GPAT3: variants seen among roughly 807,000 people sequenced by gnomAD.
The protein encoded by GPAT3 is glycerol-3-phosphate acyltransferase 3.
GPAT3 carries 53 observed loss-of-function variants against 58.8 expected under a neutral mutation model. The observed-to-expected ratio is 0.90, with a 90% CI of 0.72 to 1.13. The LOEUF (loss-of-function observed/expected upper bound fraction) is 1.13. GPAT3 is among the 50% of genes most tolerant of loss of function. The pLI, the probability that GPAT3 is intolerant of heterozygous loss-of-function variation, is 0.00. For missense variants in GPAT3, 511 were observed against 527.6 expected (o/e 0.97, Z 0.31); for synonymous variants, 197 against 187.4 (o/e 1.05, Z -0.42).
At chr4:83,536,036 C>G, upstream of GPAT3, 8 of 985,278 alleles carry the variant, frequency 8.1e-6, no homozygotes, top group Non-Finnish European at 9.6e-6. Flanking sequence ...AGGGAGCTCC[C>G]CCGTTGGGTG....
At chr4:83,581,522 T>A in intron 2 of GPAT3, 40 bp from the exon 3 acceptor site, 3 of 1,586,344 alleles carry the variant, frequency 1.9e-6, no homozygotes, top group Non-Finnish European at 2.6e-6. Flanking sequence ...AATTCTTCTG[T>A]CGTATGGCAT....
intron 2 of GPAT3, among the ~76,000 whole-genome samples, chr4:83,554,767 C>T (rs1207908970): frequency 6.6e-6 from 1 of 151,368 alleles, no homozygotes; most frequent in Non-Finnish European, 1.5e-5. Context: ...AAGGTGACTC[C>T]TCTTCTACAC....
chr4:83,589,213 T>C (rs1375825757), intron 5 of GPAT3, among the ~76,000 whole-genome samples: 2 of 152,256 alleles, frequency 1.3e-5, no homozygotes, highest in African/African-American at 2.4e-5. Context: ...TAACTTCTTA[T>C]AGAATTGCTT....
chr4:83,565,638 G>A (rs755669644), intron 2 of GPAT3, among the ~76,000 whole-genome samples: 12 of 152,174 alleles, frequency 7.9e-5, no homozygotes, highest in Non-Finnish European at 1.6e-4. Context: ...TGGGATTACA[G>A]GCACCTGCCA....
chr4:83,552,530 C>G (rs560896843), intron 2 of GPAT3, among the ~76,000 whole-genome samples: 31 of 152,106 alleles, frequency 2.0e-4, no homozygotes, highest in Non-Finnish European at 3.5e-4. Flanking sequence ...AATGGAATGA[C>G]AAAGTAAGGC....
At chr4:83,566,411 T>A (rs536791367) in intron 2 of GPAT3, among the ~76,000 whole-genome samples, 2 of 134,562 alleles carry the variant, frequency 1.5e-5, no homozygotes, top group South Asian at 2.4e-4. Context: ...TTTTAAAAAA[T>A]TAATTAATTT....
At position 83,597,418 on chromosome 4, in the gene GPAT3, AC is replaced by A; in HGVS notation, c.911-7del. The A allele has an allele frequency of 1.3e-6, 2 of 1,492,174 alleles. No individual in the cohort carries two copies. Among genetic ancestry groups the A allele is most frequent in the Non-Finnish European group, 9.0e-7 (1 of 1,110,146 alleles). 92.4% of individuals were successfully genotyped at this position (1,492,174 alleles called of 1,614,324 possible). Reference sequence around the variant, plus strand: ...TAAAAATATTCACGCTCCTACCCTCACCCCCTTGCAGGAACTTGCATCAACA... The same window carrying A: ...TAAAAATATTCACGCTCCTACCCTCACCCCTTGCAGGAACTTGCATCAACA... On this transcript the variant is annotated splice_polypyrimidine_tract_variant and intron_variant, in intron 8 of 11. Coordinates refer to ENST00000264409, the MANE Select transcript of GPAT3 (RefSeq NM_032717.5).
At chr4:83,596,239 T>TCATGACACAGAGGCTCTAGAGTC (rs1726828554) in intron 7 of GPAT3, among the ~76,000 whole-genome samples, 6 of 152,082 alleles carry the variant, frequency 3.9e-5, no homozygotes, top group Admixed American at 3.9e-4. Context: ...AGCACAAAGC[T>TCATGACACAGAGGCTCTAGAGTC]CATGACACAG....
In GPAT3 at chr4:83,538,431, A is replaced by T. The variant is rs566221800; in HGVS notation, c.141+1668A>T. Among the ~76,000 whole-genome samples the T allele has an allele frequency of 1.1e-4, 16 of 152,324 alleles. No homozygotes were observed. The South Asian group carries it at 3.3e-3, about 32-fold the overall frequency. The stretch of plus-strand genomic sequence containing the variant: ...TTTCTTGACTGCTTCCTAATGTGAG[A>T]TCTTCAGAATCCTCTCCCATAGCAG... On this transcript the variant is annotated intron_variant, in intron 1 of 11. Coordinates refer to ENST00000264409, the MANE Select transcript of GPAT3 (RefSeq NM_032717.5).
At chr4:83,598,025 C>T in intron 9 of GPAT3, 26 bp from the exon 10 acceptor site, 1 of 1,611,650 alleles carries the variant, frequency 6.2e-7, no homozygotes, top group African/African-American at 1.3e-5. Context: ...TATTTCATAA[C>T]TGAGATGTAT....
At chr4:83,579,532 TC>T (rs1194105841) in intron 2 of GPAT3, among the ~76,000 whole-genome samples, 1 of 151,974 alleles carries the variant, frequency 6.6e-6, no homozygotes, top group Non-Finnish European at 1.5e-5. Context: ...GCTCAAGTGA[TC>T]CGCTCACCTT....
Position 83,605,730 on chromosome 4 carries a change from A to G in GPAT3, c.*963A>G, listed in dbSNP as rs1184939126. On this transcript the variant is annotated 3_prime_UTR_variant, in exon 12 of 12. Coordinates refer to ENST00000264409, the MANE Select transcript of GPAT3 (RefSeq NM_032717.5). ...TTAATTTTTTTTAGAGGGGGAAATA[A>G]GTTTTCCCCAACTCACACAGCATAA... 2.0e-5 allele frequency: 3 copies of G among 152,580 alleles called. No individual in the cohort carries two copies. The highest frequency in any genetic ancestry group is 2.9e-5 in the Non-Finnish European group (2 of 68,028). The allele number at this position is 152,580 out of a possible 1,614,324, so 9.5% of individuals were successfully genotyped here. A position where few individuals can be genotyped will look rare whatever the true frequency, so the allele number is the denominator to read the frequency against.
In GPAT3 at chr4:83,598,639, A is replaced by G; in HGVS notation, c.1126-5A>G. The G allele has an allele frequency of 6.2e-7, 1 of 1,605,922 alleles. No individual in the cohort carries two copies. Among genetic ancestry groups the G allele is most frequent in the Non-Finnish European group, 8.5e-7 (1 of 1,177,478 alleles). On this transcript the variant is annotated splice_region_variant and splice_polypyrimidine_tract_variant and intron_variant, in intron 10 of 11. Transcript: ENST00000264409. ...TTCTTGCAATTTTTTTTTTTTTTAA[A>G]CCAGGAAGGAGAAGATGCAGTCCAG...
chr4:83,549,144 G>C (rs1314087776), intron 2 of GPAT3, among the ~76,000 whole-genome samples: 1 of 141,960 alleles, frequency 7.0e-6, no homozygotes, highest in Non-Finnish European at 1.5e-5. Flanking sequence ...GTGTAGCCAG[G>C]GCAAAATAGT....
chr4:83,563,067 G>T (rs148235880), intron 2 of GPAT3, among the ~76,000 whole-genome samples: 2 of 152,328 alleles, frequency 1.3e-5, no homozygotes, highest in African/African-American at 4.8e-5. Flanking sequence ...GAATGAAAGG[G>T]TAACATTAGT....
chr4:83,552,423 G>A (rs79115153), intron 2 of GPAT3, among the ~76,000 whole-genome samples: 2,180 of 152,278 alleles, frequency 0.014, 52 homozygotes, highest in African/African-American at 0.044. Context: ...TAGTGTATTG[G>A]TCCCCACTAT....
intron 11 of GPAT3, among the ~76,000 whole-genome samples, chr4:83,600,957 A>T (rs1296658097): frequency 6.6e-6 from 1 of 152,188 alleles, no homozygotes. Context: ...AGACAATTGT[A>T]GCAATGTTTC....
intron 2 of GPAT3, among the ~76,000 whole-genome samples, chr4:83,555,394 TTTAATCATTTTATGGAA>T (rs74267640): frequency 0.16 from 24,559 of 152,028 alleles, 2,236 homozygotes; most frequent in East Asian, 0.31. Flanking sequence ...AAATCGATCA[TTTAATCATTTTATGGAA>T]GCTGATGTCA....
At chr4:83,550,805 T>A (rs1374562546) in intron 2 of GPAT3, among the ~76,000 whole-genome samples, 1 of 152,276 alleles carries the variant, frequency 6.6e-6, no homozygotes, top group East Asian at 1.9e-4. Context: ...AATATGAAAG[T>A]TTTTTGTGGG....
Sources: gnomAD v4.1 joint callset for allele counts (sites outside exome capture counted in the v4.1 genomes callset) on GRCh38, gnomAD v4.1.1 for gene constraint, MANE v1.5 for transcripts, NCBI Gene and HGNC (gene_info 2026-07-23, HGNC 2026-07-21) for gene names.